Variants in SCAPER observed in about 807,000 individuals in gnomAD.
The protein encoded by SCAPER is S-phase cyclin A associated protein in the ER, also known as S phase cyclin A-associated protein in the endoplasmic reticulum.
Under a neutral mutation model 182.2 loss-of-function variants are expected in SCAPER, and 98 were observed. The observed-to-expected ratio is 0.54, with a 90% confidence interval of 0.46 to 0.64. SCAPER has a LOEUF of 0.64. SCAPER is among the 30% of genes least tolerant of loss of function. SCAPER has a pLI of 0.00. For synonymous variants in SCAPER, 605 were observed against 564.6 expected, an observed-to-expected ratio of 1.07 and a Z score of -1.01; for missense variants, 1,432 against 1,690.0, an observed-to-expected ratio of 0.85 and a Z score of 2.68.
At chr15:76,596,038 T>G (rs2049469577) in intron 22 of SCAPER, among the ~76,000 whole-genome samples, 2 of 119,936 alleles carry the variant, frequency 1.7e-5, no homozygotes, top group African/African-American at 5.1e-5. Flanking sequence ...TTGAAAAGAT[T>G]AACAACATAG....
chr15:76,525,935 G>A (rs1025346902), intron 23 of SCAPER, among the ~76,000 whole-genome samples: 5 of 152,158 alleles, frequency 3.3e-5, no homozygotes, highest in African/African-American at 1.2e-4. Flanking sequence ...GAAATCTCCA[G>A]ACTGCTTTCC....
At chr15:76,366,086 TACACACACACACACACACACACACACAC>T (rs59741618) in intron 29 of SCAPER, among the ~76,000 whole-genome samples, 2 of 149,432 alleles carry the variant, frequency 1.3e-5, no homozygotes, top group African/African-American at 5.0e-5. Context: ...CTTACACACT[TACACACACACACACACACACACACACAC>T]ACACACACTA....
In SCAPER at chr15:76,471,342, G is replaced by T. The variant is rs761914312; in HGVS notation, c.2955-7C>A. The T allele has an allele frequency of 2.5e-6, 4 of 1,595,710 alleles. No homozygotes were observed. Among genetic ancestry groups the T allele is most frequent in the East Asian group, 4.5e-5 (2 of 44,542 alleles). On this transcript the variant is annotated splice_region_variant and splice_polypyrimidine_tract_variant and intron_variant, in intron 24 of 31. Coordinates refer to ENST00000563290, the MANE Select transcript of SCAPER (RefSeq NM_020843.4). ...GATTGCATTGCAGAGAGACCTAAAA[G>T]AAGGAGAAAAACACCATTTATAAAA... is the stretch of plus-strand genomic sequence containing the variant.
chr15:76,586,567 T>A (rs974608578), intron 22 of SCAPER: 2 of 152,742 alleles, frequency 1.3e-5, no homozygotes, highest in Non-Finnish European at 2.9e-5. Flanking sequence ...AGAAAATAAA[T>A]AAATGAATGT....
At chr15:76,378,125 G>A (rs1346920531) in intron 28 of SCAPER, among the ~76,000 whole-genome samples, 4 of 152,210 alleles carry the variant, frequency 2.6e-5, no homozygotes. Context: ...AGGTCATTCT[G>A]ACTCCAGATT....
At chr15:76,606,960 C>A (rs1004881468) in intron 22 of SCAPER, among the ~76,000 whole-genome samples, 2 of 152,184 alleles carry the variant, frequency 1.3e-5, no homozygotes, top group Non-Finnish European at 2.9e-5. Flanking sequence ...TGAGTCTTGA[C>A]TCTTTATCCA....
At chr15:76,513,397 T>A (rs1215245167) in intron 23 of SCAPER, among the ~76,000 whole-genome samples, 1 of 152,170 alleles carries the variant, frequency 6.6e-6, no homozygotes, top group Non-Finnish European at 1.5e-5. Flanking sequence ...ATATTAGAGA[T>A]GATTTCTTCA....
At chr15:76,377,946 T>C (rs1185892306) in intron 28 of SCAPER, among the ~76,000 whole-genome samples, 1 of 152,258 alleles carries the variant, frequency 6.6e-6, no homozygotes, top group African/African-American at 2.4e-5. Context: ...GGGCCTACTA[T>C]GTGCTAGTGA....
At chr15:76,361,283 G>A (rs779833412) in intron 29 of SCAPER, among the ~76,000 whole-genome samples, 6 of 152,168 alleles carry the variant, frequency 3.9e-5, no homozygotes, top group South Asian at 4.1e-4. Context: ...AGTCAAGAAC[G>A]TGAAAAGAAG....
intron 14 of SCAPER, among the ~76,000 whole-genome samples, chr15:76,757,455 T>TACACACAC (rs67231689): frequency 1.1e-4 from 17 of 150,410 alleles, no homozygotes; most frequent in African/African-American, 1.7e-4. Flanking sequence ...GTTTTATATA[T>TACACACAC]ACACACACAC....
chr15:76,719,890 A>C (rs2060105632), intron 17 of SCAPER, among the ~76,000 whole-genome samples: 1 of 151,968 alleles, frequency 6.6e-6, no homozygotes, highest in Non-Finnish European at 1.5e-5. Flanking sequence ...AACAGAATTT[A>C]TTGTGGTTGC....
chr15:76,639,679 G>A lies in SCAPER; in HGVS notation c.2646-17850C>T, dbSNP rs186627112. Among the ~76,000 whole-genome samples the A allele has an allele frequency of 8.4e-4, 126 of 150,586 alleles. 1 individual carries two copies. In the East Asian group the frequency reaches 0.014, roughly 16 times the overall value. On this transcript the variant is annotated intron_variant, in intron 21 of 31. Transcript: ENST00000563290. The stretch of plus-strand genomic sequence containing the variant: ...ATTATGAGGACTTACACCCCGCCCC[G>A]TTGCTAATGTCCCCCCACCACCTCT...
chr15:76,701,949 T>C (rs2058975936), intron 19 of SCAPER, 84 bp from the exon 20 acceptor site: 1 of 888,060 alleles, frequency 1.1e-6, no homozygotes, highest in Non-Finnish European at 1.8e-6. Flanking sequence ...GTATATGATA[T>C]GTGAGTTGAG....
chr15:76,478,197 T>A (rs1338455414), intron 24 of SCAPER, among the ~76,000 whole-genome samples: 2 of 149,670 alleles, frequency 1.3e-5, no homozygotes, highest in African/African-American at 4.8e-5. Flanking sequence ...AAAGTTGCTA[T>A]TTATCATCAT....
At chr15:76,773,918 G>A (rs965279030) in intron 9 of SCAPER, among the ~76,000 whole-genome samples, 3 of 151,544 alleles carry the variant, frequency 2.0e-5, no homozygotes, top group African/African-American at 7.3e-5. Flanking sequence ...TTACACCAAC[G>A]GAACTGAACC....
At position 76,583,362 on chromosome 15, in the gene SCAPER, A is replaced by AC. The variant is rs1369162091; in HGVS notation, c.2712-9079_2712-9078insG. 2.6e-5 allele frequency among the ~76,000 whole-genome samples: 4 copies of AC among 151,988 alleles called. No homozygotes were observed. In the East Asian group the frequency reaches 7.7e-4, roughly 29 times the overall value. On this transcript the variant is annotated intron_variant, in intron 22 of 31. Coordinates refer to ENST00000563290, the MANE Select transcript of SCAPER (RefSeq NM_020843.4). The stretch of plus-strand genomic sequence containing the variant: ...TGAGACTCCATCTCAAAAAAAAAAA[A>AC]AAAAAACTTGAGTGTAATCCCATAA...
chr15:76,494,740 CTTA>C (rs1199071501), intron 24 of SCAPER, among the ~76,000 whole-genome samples: 1 of 151,868 alleles, frequency 6.6e-6, no homozygotes, highest in Non-Finnish European at 1.5e-5. Context: ...TATAGAATAT[CTTA>C]TTGATTGATA....
At chr15:76,607,764 A>T (rs531469079) in intron 22 of SCAPER, among the ~76,000 whole-genome samples, 26 of 151,734 alleles carry the variant, frequency 1.7e-4, no homozygotes, top group African/African-American at 6.3e-4. Context: ...CATTTCATTC[A>T]TTTTGTCTTC....
intron 22 of SCAPER, among the ~76,000 whole-genome samples, chr15:76,581,849 A>G (rs2145514939): frequency 6.6e-6 from 1 of 152,226 alleles, no homozygotes; most frequent in Admixed American, 6.5e-5. Flanking sequence ...GCCTCCCAAC[A>G]TGCCAGGATT....
Sources: allele counts gnomAD v4.1 joint callset (sites outside exome capture counted in the v4.1 genomes callset), GRCh38; gene constraint gnomAD v4.1.1; transcripts MANE v1.5; gene names NCBI Gene and HGNC (gene_info 2026-07-23, HGNC 2026-07-21).